ST8SIA6: variants seen among roughly 807,000 people sequenced by gnomAD.
ST8SIA6 encodes ST8 alpha-N-acetyl-neuraminide alpha-2,8-sialyltransferase 6.
In ST8SIA6, 39 loss-of-function variants were observed where a neutral mutation model predicts 33.6. The ratio of observed to expected loss-of-function variants is 1.16; its 90% CI spans 0.90 to 1.52. ST8SIA6 has a LOEUF of 1.52. Ranked by LOEUF, ST8SIA6 falls within the 40% of genes most tolerant of loss-of-function variation. The probability of loss-of-function intolerance (pLI) is 0.00; values close to 1 mark genes in which losing one functional copy is unlikely to be tolerated. For synonymous variants in ST8SIA6, 172 were observed against 167.2 expected, an observed-to-expected ratio of 1.03 and a Z score of -0.22; for missense variants, 441 against 443.8, an observed-to-expected ratio of 0.99 and a Z score of 0.06.
At chr10:17,439,064 C>A (rs1852378931) in intron 2 of ST8SIA6, among the ~76,000 whole-genome samples, 1 of 152,192 alleles carries the variant, frequency 6.6e-6, no homozygotes, top group Non-Finnish European at 1.5e-5. Flanking sequence ...AAACCACCTT[C>A]CAAACTACAG....
chr10:17,323,003 G>A (rs1848005061), intron 7 of ST8SIA6, 62 bp downstream of exon 7: 4 of 1,461,756 alleles, frequency 2.7e-6, no homozygotes, highest in Non-Finnish European at 1.9e-6. Flanking sequence ...TGCTTAAGCT[G>A]AGAAACATGT....
chr10:17,363,997 C>T (rs371797633), intron 3 of ST8SIA6, among the ~76,000 whole-genome samples: 3 of 152,190 alleles, frequency 2.0e-5, no homozygotes, highest in South Asian at 2.1e-4. Context: ...ACAAAACTAT[C>T]ATATAACATC....
intron 4 of ST8SIA6, among the ~76,000 whole-genome samples, chr10:17,339,080 G>C (rs1287400823): frequency 6.6e-6 from 1 of 151,388 alleles, no homozygotes; most frequent in East Asian, 1.9e-4. Context: ...AATTCCTTTT[G>C]AGAAAGGGAT....
Position 17,323,487 on chromosome 10 carries a change from C to T in ST8SIA6, c.636-330G>A, listed in dbSNP as rs144043001. 3.4e-3 allele frequency among the ~76,000 whole-genome samples: 509 copies of T among 148,740 alleles called. 2 individuals are homozygous for T. The highest frequency in any genetic ancestry group is 0.012 in the African/African-American group (476 of 40,360). ...TGGGCTCACTGCAACCTCCGCCTCTCGGATTCAAGCAATTCTTCTGCCTCA... is the reference window on the plus strand; with the variant it reads ...TGGGCTCACTGCAACCTCCGCCTCTTGGATTCAAGCAATTCTTCTGCCTCA... On this transcript the variant is annotated intron_variant, in intron 6 of 7. Transcript: ENST00000377602.
chr10:17,389,752 C>T (rs1850516048), intron 3 of ST8SIA6, among the ~76,000 whole-genome samples: 1 of 152,100 alleles, frequency 6.6e-6, no homozygotes, highest in African/African-American at 2.4e-5. Flanking sequence ...ATTCAGAATA[C>T]ATATCATGTT....
intron 3 of ST8SIA6, among the ~76,000 whole-genome samples, chr10:17,378,599 G>C (rs866820678): frequency 6.6e-6 from 1 of 152,034 alleles, no homozygotes; most frequent in African/African-American, 2.4e-5. Context: ...AAAGATCCTC[G>C]TGTAACACCC....
At chr10:17,395,303 A>G (rs1307944294) in intron 2 of ST8SIA6, among the ~76,000 whole-genome samples, 1 of 152,182 alleles carries the variant, frequency 6.6e-6, no homozygotes, top group Non-Finnish European at 1.5e-5. Context: ...ATTGACTAAT[A>G]TACTGGGGAT....
intron 2 of ST8SIA6, among the ~76,000 whole-genome samples, chr10:17,420,188 C>T (rs532371099): frequency 2.6e-5 from 4 of 152,276 alleles, no homozygotes; most frequent in African/African-American, 4.8e-5. Flanking sequence ...CCGAGACGGG[C>T]GGATCACGAG....
chr10:17,349,985 G>C (rs1371009782), intron 4 of ST8SIA6, among the ~76,000 whole-genome samples: 1 of 152,032 alleles, frequency 6.6e-6, no homozygotes, highest in African/African-American at 2.4e-5. Context: ...TATTAATCGT[G>C]GCTAGTGTAA....
At chr10:17,441,373 C>T (rs923051310) in intron 2 of ST8SIA6, among the ~76,000 whole-genome samples, 2 of 151,580 alleles carry the variant, frequency 1.3e-5, no homozygotes, top group Non-Finnish European at 2.9e-5. Context: ...AGTGCAATGG[C>T]GCGAGCTCAG....
chr10:17,366,991 A>G (rs2131626788), intron 3 of ST8SIA6, among the ~76,000 whole-genome samples: 1 of 152,332 alleles, frequency 6.6e-6, no homozygotes, highest in South Asian at 2.1e-4. Context: ...CCAAGAATTT[A>G]TAGCACAAAC....
At chr10:17,324,851 G>A (rs567431676) in intron 6 of ST8SIA6, among the ~76,000 whole-genome samples, 39 of 143,842 alleles carry the variant, frequency 2.7e-4, no homozygotes, top group African/African-American at 8.5e-4. Flanking sequence ...TGTAATATTA[G>A]TATATTATAT....
At chr10:17,378,975 A>T (rs1464027860) in intron 3 of ST8SIA6, among the ~76,000 whole-genome samples, 1 of 151,892 alleles carries the variant, frequency 6.6e-6, no homozygotes, top group Non-Finnish European at 1.5e-5. Flanking sequence ...AAATACAAAA[A>T]ATTAGCTGGG....
intron 4 of ST8SIA6, among the ~76,000 whole-genome samples, chr10:17,336,876 G>A (rs948130038): frequency 3.3e-5 from 5 of 152,098 alleles, no homozygotes; most frequent in Non-Finnish European, 7.4e-5. Context: ...TTACACGTGT[G>A]AGCCACCATG....
At chr10:17,402,759 C>A (rs181873254) in intron 2 of ST8SIA6, among the ~76,000 whole-genome samples, 132 of 152,072 alleles carry the variant, frequency 8.7e-4, no homozygotes, top group African/African-American at 3.0e-3. Context: ...GAGCATCACA[C>A]ACCGGGGCTT....
chr10:17,412,884 C>A (rs911030159), intron 2 of ST8SIA6, among the ~76,000 whole-genome samples: 4 of 152,054 alleles, frequency 2.6e-5, no homozygotes, highest in African/African-American at 9.7e-5. Context: ...TAATGGATAT[C>A]CCAAGTATAC....
intron 2 of ST8SIA6, among the ~76,000 whole-genome samples, chr10:17,397,536 C>T (rs953159457): frequency 1.3e-4 from 20 of 151,802 alleles, no homozygotes; most frequent in African/African-American, 4.6e-4. Context: ...CGCCTGGCCT[C>T]CTGTGCACAT....
chr10:17,359,571 A>G lies in ST8SIA6; in HGVS notation c.320T>C (p.Ile107Thr). 6.2e-7 allele frequency: 1 copy of G among 1,606,598 alleles called. No homozygotes were observed. The highest frequency in any genetic ancestry group is 8.5e-7 in the Non-Finnish European group (1 of 1,177,288). ...GYSENDYLQI[I>T]TDIQSCPWKR... ...CCATGGACAACTCTGTATATCTGTG[A>G]TAATCTGAAGGTAGTCGTTCTCTGA... Residue 107 changes from isoleucine (I) to threonine (T), a missense_variant, in exon 4 of 8, where the codon ATC becomes ACC. By Grantham distance (89) the Ile-to-Thr change is moderately conservative. Transcript: ENST00000377602.
intron 4 of ST8SIA6, among the ~76,000 whole-genome samples, chr10:17,356,415 C>T (rs796885379): frequency 1.1e-4 from 16 of 147,898 alleles, no homozygotes; most frequent in African/African-American, 3.8e-4. Context: ...GAGGTGGAGT[C>T]ACTCTGTCAG....
Sources: gnomAD v4.1 joint callset for allele counts (sites outside exome capture counted in the v4.1 genomes callset) on GRCh38, gnomAD v4.1.1 for gene constraint, MANE v1.5 for transcripts, NCBI Gene and HGNC (gene_info 2026-07-23, HGNC 2026-07-21) for gene names.